Variants in TP73 observed in about 807,000 individuals in gnomAD.
The protein encoded by TP73 is tumor protein p73, also known as p53-like transcription factor.
A neutral mutation model predicts 62.5 loss-of-function variants in TP73; 25 were observed. The observed-to-expected ratio is 0.40, with a 90% CI of 0.29 to 0.56. TP73 has a LOEUF of 0.56. Among genes scored for constraint, TP73 ranks in the 20% least tolerant of loss-of-function variants. The pLI is 0.46. For synonymous variants in TP73, 423 were observed against 377.5 expected (o/e 1.12, Z -1.40); for missense variants, 754 against 913.3 (o/e 0.83, Z 2.25).
At chr1:3,689,128 G>A (rs574036778) in intron 3 of TP73, among the ~76,000 whole-genome samples, 1 of 152,254 alleles carries the variant, frequency 6.6e-6, no homozygotes, top group East Asian at 1.9e-4. Flanking sequence ...CTCAGAAGCA[G>A]AAGGCACCCT....
At chr1:3,706,154 C>T (rs953653395) in intron 3 of TP73, among the ~76,000 whole-genome samples, 1 of 152,172 alleles carries the variant, frequency 6.6e-6, no homozygotes, top group Non-Finnish European at 1.5e-5. Context: ...CCCCTTCCTG[C>T]CCTGCAATCC....
At chr1:3,710,896 A>G (rs546694946) in intron 4 of TP73, among the ~76,000 whole-genome samples, 1 of 152,290 alleles carries the variant, frequency 6.6e-6, no homozygotes, top group African/African-American at 2.4e-5. Context: ...CTCCCACCCC[A>G]TGGAAACCCA....
intron 4 of TP73, among the ~76,000 whole-genome samples, chr1:3,713,497 T>G (rs1640333479): frequency 6.6e-6 from 1 of 151,798 alleles, no homozygotes. Context: ...CGGGGCAAGG[T>G]GGGGGGCTCA....
At chr1:3,673,909 C>T (rs1283108752) in intron 1 of TP73, among the ~76,000 whole-genome samples, 1 of 152,108 alleles carries the variant, frequency 6.6e-6, no homozygotes, top group African/African-American at 2.4e-5. Context: ...GGATTGCAGC[C>T]GGGCCCGTGC....
Position 3,695,140 on chromosome 1 carries a change from C to T in TP73, c.186+11960C>T, listed in dbSNP as rs1320132887. The stretch of plus-strand genomic sequence containing the variant: ...GATCAATGCCCAACCCCGAGGTGGA[C>T]ACAGAGACATTACCCACTTCTGCCT... On this transcript the variant is annotated intron_variant, in intron 3 of 13. Transcript: ENST00000378295. Among the ~76,000 whole-genome samples, 4 of 152,246 alleles carry T rather than the reference C, an allele frequency of 2.6e-5. No homozygotes were observed. In the East Asian group the frequency reaches 5.8e-4, roughly 22 times the overall value.
intron 3 of TP73, among the ~76,000 whole-genome samples, chr1:3,684,439 A>G (rs1177438740): frequency 9.2e-5 from 14 of 152,140 alleles, no homozygotes; most frequent in Admixed American, 9.2e-4. Flanking sequence ...TCCCCATTCC[A>G]GGAGCTGGAG....
Position 3,707,695 on chromosome 1 carries a change from G to A in TP73, c.333G>A (p.Pro111=), listed in dbSNP as rs148099395. Residue 111 remains proline (P), a synonymous_variant, in exon 4 of 14, where the codon CCG becomes CCA. Coordinates refer to ENST00000378295, the MANE Select transcript of TP73 (RefSeq NM_005427.4). ...QPSSTFDTMS[P]APVIPSNTDY... ...GCTCCACCTTCGACACCATGTCGCC[G>A]GCGCCTGTCATCCCCTCCAACACCG... 1.4e-5 allele frequency: 23 copies of A among 1,613,090 alleles called. No individual in the cohort carries two copies. Among genetic ancestry groups the A allele is most frequent in the South Asian group, 8.8e-5 (8 of 91,080 alleles).
At position 3,733,123 on chromosome 1, in the gene TP73, A is replaced by C. The variant is rs1003142551; in HGVS notation, c.*44A>C. ...GCCTGCGCCACCGCCCAGAGACCCAAGCTGCCTCCCCTCTCCTTCCTGTGT... is the reference window on the plus strand; with the variant it reads ...GCCTGCGCCACCGCCCAGAGACCCACGCTGCCTCCCCTCTCCTTCCTGTGT... On this transcript the variant is annotated 3_prime_UTR_variant, in exon 14 of 14. Coordinates refer to ENST00000378295, the MANE Select transcript of TP73 (RefSeq NM_005427.4). 1.0e-5 allele frequency: 15 copies of C among 1,487,388 alleles called. No individual in the cohort carries two copies. Among genetic ancestry groups the C allele is most frequent in the Non-Finnish European group, 1.3e-5 (15 of 1,116,996 alleles). The allele number at this position is 1,487,388 out of a possible 1,614,324, so 92.1% of individuals were successfully genotyped here.
At chr1:3,668,802 G>A (rs1215003198) in intron 1 of TP73, 1 of 152,382 alleles carries the variant, frequency 6.6e-6, no homozygotes, top group African/African-American at 2.4e-5. Context: ...TCCACAATGA[G>A]GAGTAGAAAC....
At chr1:3,690,329 G>A (rs983019392) in intron 3 of TP73, among the ~76,000 whole-genome samples, 5 of 152,122 alleles carry the variant, frequency 3.3e-5, no homozygotes, top group South Asian at 2.1e-4. Context: ...GGGCAGGTGC[G>A]CCCCACCTGG....
At chr1:3,685,160 A>G (rs987083776) in intron 3 of TP73, among the ~76,000 whole-genome samples, 2 of 152,168 alleles carry the variant, frequency 1.3e-5, no homozygotes, top group African/African-American at 4.8e-5. Flanking sequence ...GGCCCCTAAG[A>G]TGGCACAGAC....
At chr1:3,700,592 T>G (rs914936399) in intron 3 of TP73, among the ~76,000 whole-genome samples, 4 of 151,796 alleles carry the variant, frequency 2.6e-5, no homozygotes, top group African/African-American at 9.7e-5. Flanking sequence ...AGGTCAGGAG[T>G]TCGAGACCAG....
rs559561893 is a variant in TP73 at position 3,680,219 on chromosome 1, G to A, written c.-33-2114G>A. 5.3e-5 allele frequency among the ~76,000 whole-genome samples: 8 copies of A among 152,310 alleles called. No homozygotes were observed. In the South Asian group the frequency reaches 1.7e-3, roughly 32 times the overall value. ...GTTTTCAGGTCTCACCCACGCTGTA[G>A]CATGTCAGAGCTTCGTTCCTTTTCA... is the stretch of plus-strand genomic sequence containing the variant. On this transcript the variant is annotated intron_variant, in intron 1 of 13. Coordinates refer to ENST00000378295, the MANE Select transcript of TP73 (RefSeq NM_005427.4).
At chr1:3,692,930 G>T (rs1645890875) in intron 3 of TP73, among the ~76,000 whole-genome samples, 2 of 152,208 alleles carry the variant, frequency 1.3e-5, no homozygotes, top group African/African-American at 4.8e-5. Context: ...GCTGCCCGGT[G>T]CCCTGGGCGT....
At position 3,654,903 on chromosome 1, in the gene TP73, A is replaced by G. The variant is rs1326078760; in HGVS notation, c.-34+2262A>G. Among the ~76,000 whole-genome samples, 5 of 152,344 alleles carry G rather than the reference A, an allele frequency of 3.3e-5. No homozygotes were observed. The South Asian group carries it at 8.3e-4, about 25-fold the overall frequency. On this transcript the variant is annotated intron_variant, in intron 1 of 13. Transcript: ENST00000378295. ...ATTGATAACACTGAGCACGTGTGAA[A>G]GGCACGGCTAAAGTGGAGAGAAGAG...
chr1:3,701,514 GT>G lies in TP73; in HGVS notation c.187-6028del, dbSNP rs901518123. On this transcript the variant is annotated intron_variant, in intron 3 of 13. Coordinates refer to ENST00000378295, the MANE Select transcript of TP73 (RefSeq NM_005427.4). The surrounding 1 kb of genome is among the most constrained non-coding windows in gnomAD (Gnocchi z 4.7). ...GAAGTCCACGTTGATTTCTTTTTTG[GT>G]TTTTTTCGAGACAGAGTCTTGCTCT... is the stretch of plus-strand genomic sequence containing the variant. 8.6e-5 allele frequency among the ~76,000 whole-genome samples: 13 copies of G among 151,872 alleles called. No individual in the cohort carries two copies. Among genetic ancestry groups the G allele is most frequent in the Admixed American group, 6.6e-5 (1 of 15,242 alleles).
At chr1:3,702,451 C>T (rs1639248592) in intron 3 of TP73, among the ~76,000 whole-genome samples, 1 of 152,002 alleles carries the variant, frequency 6.6e-6, no homozygotes, top group East Asian at 1.9e-4. Context: ...CCATTTACCA[C>T]TGCCTGCTGC....
At chr1:3,659,669 A>T (rs924074188) in intron 1 of TP73, among the ~76,000 whole-genome samples, 4 of 152,054 alleles carry the variant, frequency 2.6e-5, no homozygotes, top group Non-Finnish European at 5.9e-5. Flanking sequence ...AAATAATCTC[A>T]GTAAGATTAT....
intron 4 of TP73, among the ~76,000 whole-genome samples, chr1:3,710,881 A>G (rs193156089): frequency 2.4e-4 from 37 of 152,350 alleles, no homozygotes; most frequent in African/African-American, 7.9e-4. Flanking sequence ...CCAGGGTTCT[A>G]GTAGCTCCCA....
Sources: gnomAD v4.1 joint callset for allele counts (sites outside exome capture counted in the v4.1 genomes callset) on GRCh38, gnomAD v4.1.1 for gene constraint, Gnocchi (gnomAD v3.1) non-coding constraint, MANE v1.5 for transcripts, NCBI Gene and HGNC (gene_info 2026-07-23, HGNC 2026-07-21) for gene names.